The following XKR4 variants were observed in gnomAD, a reference collection of about 807,000 sequenced individuals.
XKR4 encodes XK related 4, also known as XK-related protein 4.
A neutral mutation model predicts 53.9 loss-of-function variants in XKR4; 12 were observed. That is an observed-to-expected ratio of 0.22 (90% confidence interval 0.14 to 0.36). XKR4 has a LOEUF of 0.36. XKR4 is among the 10% of genes least tolerant of loss of function. The probability of loss-of-function intolerance (pLI) is 1.00; values close to 1 mark genes in which losing one functional copy is unlikely to be tolerated. For synonymous variants in XKR4, 354 were observed against 362.4 expected (o/e 0.98, Z 0.26); for missense variants, 799 against 859.5 (o/e 0.93, Z 0.88).
chr8:55,159,654 G>A (rs947127164), intron 1 of XKR4, among the ~76,000 whole-genome samples: 3 of 152,110 alleles, frequency 2.0e-5, no homozygotes, highest in Admixed American at 6.5e-5. Flanking sequence ...AAGTACAAAT[G>A]ACCCTATAAA....
At chr8:55,468,654 A>G (rs537389893) in intron 2 of XKR4, among the ~76,000 whole-genome samples, 2 of 152,140 alleles carry the variant, frequency 1.3e-5, no homozygotes, top group Admixed American at 6.5e-5. Flanking sequence ...TTTATAGATG[A>G]ATGAATCATA....
chr8:55,496,126 T>C (rs142964378), intron 2 of XKR4, among the ~76,000 whole-genome samples: 76 of 152,324 alleles, frequency 5.0e-4, no homozygotes, highest in African/African-American at 1.8e-3. Flanking sequence ...CCGTAGGCAT[T>C]TGATATATGT....
intron 2 of XKR4, among the ~76,000 whole-genome samples, chr8:55,358,703 TC>T (rs2129384456): frequency 6.6e-6 from 1 of 152,362 alleles, no homozygotes; most frequent in East Asian, 1.9e-4. Flanking sequence ...AATTTGTCAA[TC>T]CTGTAACTAA....
intron 2 of XKR4, among the ~76,000 whole-genome samples, chr8:55,418,653 C>T (rs1303643544): frequency 6.6e-6 from 1 of 152,164 alleles, no homozygotes; most frequent in African/African-American, 2.4e-5. Flanking sequence ...GCCAGTTCAT[C>T]TCACTCCTCT....
At chr8:55,171,717 C>T (rs564282041) in intron 1 of XKR4, among the ~76,000 whole-genome samples, 2 of 152,100 alleles carry the variant, frequency 1.3e-5, no homozygotes, top group South Asian at 4.1e-4. Flanking sequence ...CAGCCACAGA[C>T]CCAGGCATTG....
intron 2 of XKR4, chr8:55,454,561 T>A: frequency 7.0e-7 from 1 of 1,438,716 alleles, no homozygotes; most frequent in South Asian, 1.2e-5. Flanking sequence ...GGGCAGGGAG[T>A]CGGCCAGTGG....
intron 2 of XKR4, among the ~76,000 whole-genome samples, chr8:55,409,023 A>C (rs902874332): frequency 2.6e-5 from 4 of 151,758 alleles, no homozygotes; most frequent in Non-Finnish European, 4.4e-5. Context: ...AAAAAAAAAA[A>C]AAGGAGCCAC....
rs1345233587 is a variant in XKR4 at position 55,535,508 on chromosome 8, T to C, written c.*11281T>C. Reference sequence around the variant, plus strand: ...CATTTTCTGAACCCCAGAGCCCACATAGGTACAAAGATACTCTGTAATGTA... The same window carrying C: ...CATTTTCTGAACCCCAGAGCCCACACAGGTACAAAGATACTCTGTAATGTA... On this transcript the variant is annotated 3_prime_UTR_variant, in exon 3 of 3. Transcript: ENST00000327381. 6.6e-6 allele frequency: 1 copy of C among 151,494 alleles called. No homozygotes were observed. Among genetic ancestry groups the C allele is most frequent in the Non-Finnish European group, 1.5e-5 (1 of 67,902 alleles). 9.4% of individuals were successfully genotyped at this position (151,494 alleles called of 1,614,324 possible).
intron 1 of XKR4, among the ~76,000 whole-genome samples, chr8:55,183,774 A>G (rs1478457680): frequency 1.3e-5 from 2 of 152,310 alleles, no homozygotes; most frequent in Non-Finnish European, 1.5e-5. Context: ...TGTTCAAATC[A>G]TCTATATCCT....
intron 1 of XKR4, among the ~76,000 whole-genome samples, chr8:55,133,226 T>C (rs1816582951): frequency 2.0e-5 from 3 of 152,256 alleles, no homozygotes; most frequent in African/African-American, 7.2e-5. Context: ...AAGAAATTTT[T>C]AAGAGTCTAC....
chr8:55,280,385 G>A (rs926484314), intron 1 of XKR4, among the ~76,000 whole-genome samples: 1 of 152,158 alleles, frequency 6.6e-6, no homozygotes, highest in Non-Finnish European at 1.5e-5. Context: ...AACTCAGGTT[G>A]TGCTGTTACT....
intron 1 of XKR4, among the ~76,000 whole-genome samples, chr8:55,334,200 C>G (rs561723367): frequency 6.6e-6 from 1 of 152,212 alleles, no homozygotes; most frequent in African/African-American, 2.4e-5. Context: ...TGGTGAAGCT[C>G]AAGTGTTTGG....
Position 55,466,578 on chromosome 8 carries a change from A to G in XKR4, c.1007-56703A>G, listed in dbSNP as rs945157978. ...TGCAGCACACCAACATGGCACATGT[A>G]TACATATGTAACAAACCTGCACATT... On this transcript the variant is annotated intron_variant, in intron 2 of 2. Transcript: ENST00000327381. 3.4e-4 allele frequency among the ~76,000 whole-genome samples: 52 copies of G among 152,102 alleles called. 1 individual carries two copies. Among genetic ancestry groups the G allele is most frequent in the African/African-American group, 4.8e-5 (2 of 41,358 alleles).
intron 1 of XKR4, among the ~76,000 whole-genome samples, chr8:55,276,050 T>C (rs1469593013): frequency 2.0e-5 from 3 of 152,254 alleles, no homozygotes; most frequent in African/African-American, 7.2e-5. Context: ...CTTCAAATAG[T>C]GTGATTGTTA....
chr8:55,480,261 A>G (rs1806078736), intron 2 of XKR4, among the ~76,000 whole-genome samples: 2 of 150,600 alleles, frequency 1.3e-5, no homozygotes, highest in Admixed American at 6.6e-5. Flanking sequence ...GCAAATCAAT[A>G]AATGTAATCC....
At chr8:55,461,992 A>G (rs984560382) in intron 2 of XKR4, among the ~76,000 whole-genome samples, 1 of 152,048 alleles carries the variant, frequency 6.6e-6, no homozygotes, top group Non-Finnish European at 1.5e-5. Flanking sequence ...CCTAATCTAC[A>G]TCTACTTGGT....
intron 2 of XKR4, among the ~76,000 whole-genome samples, chr8:55,480,565 G>A (rs1193638964): frequency 3.3e-5 from 5 of 152,064 alleles, no homozygotes; most frequent in Non-Finnish European, 5.9e-5. Flanking sequence ...AATCAGGCAG[G>A]AGAAGGAAAT....
chr8:55,313,695 C>T (rs1317899283), intron 1 of XKR4, among the ~76,000 whole-genome samples: 1 of 152,170 alleles, frequency 6.6e-6, no homozygotes, highest in East Asian at 1.9e-4. Flanking sequence ...AGAAAGTGAA[C>T]TGTGTTGAAT....
chr8:55,447,894 C>A (rs1244214299), intron 2 of XKR4, among the ~76,000 whole-genome samples: 1 of 152,112 alleles, frequency 6.6e-6, no homozygotes, highest in African/African-American at 2.4e-5. Flanking sequence ...TTAAACCATT[C>A]GTTTTAAAGG....
Sources: allele counts gnomAD v4.1 joint callset (sites outside exome capture counted in the v4.1 genomes callset), GRCh38; gene constraint gnomAD v4.1.1; transcripts MANE v1.5; gene names NCBI Gene and HGNC (gene_info 2026-07-23, HGNC 2026-07-21).